The following PPP1R16B variants were observed in gnomAD, a reference collection of about 807,000 sequenced individuals.
The protein encoded by PPP1R16B is protein phosphatase 1 regulatory subunit 16B.
Under a neutral mutation model 61.7 loss-of-function variants are expected in PPP1R16B, and 14 were observed. That is an observed-to-expected ratio of 0.23 (90% CI 0.15 to 0.35). The LOEUF (loss-of-function observed/expected upper bound fraction) is 0.35. Among genes scored for constraint, PPP1R16B ranks in the 10% least tolerant of loss-of-function variants. The pLI is 1.00. For synonymous variants in PPP1R16B, 266 were observed against 305.3 expected (o/e 0.87, Z 1.34); for missense variants, 547 against 752.5 (o/e 0.73, Z 3.19).
intron 2 of PPP1R16B, among the ~76,000 whole-genome samples, chr20:38,839,171 C>T (rs1283313357): frequency 4.6e-5 from 7 of 152,120 alleles, no homozygotes; most frequent in African/African-American, 1.2e-4. Context: ...CAAAGTGATC[C>T]GCCCACCTTG....
intron 1 of PPP1R16B, among the ~76,000 whole-genome samples, chr20:38,809,985 GA>G (rs11086731): frequency 0.029 from 2,305 of 80,128 alleles, 18 homozygotes; most frequent in Admixed American, 0.084. Flanking sequence ...ACCTTGTTTC[GA>G]AAAAAAAAAA....
At chr20:38,811,322 G>T (rs748424675) in intron 1 of PPP1R16B, among the ~76,000 whole-genome samples, 3 of 152,152 alleles carry the variant, frequency 2.0e-5, no homozygotes, top group Non-Finnish European at 2.9e-5. Context: ...TTGGGGCCAG[G>T]GTTCAAATGC....
intron 2 of PPP1R16B, among the ~76,000 whole-genome samples, chr20:38,868,891 G>A (rs2085107504): frequency 6.6e-6 from 1 of 152,062 alleles, no homozygotes; most frequent in Non-Finnish European, 1.5e-5. Flanking sequence ...ATATGGATTA[G>A]GTAAAATATA....
chr20:38,898,368 A>C (rs1160397922), intron 4 of PPP1R16B, among the ~76,000 whole-genome samples: 1 of 152,068 alleles, frequency 6.6e-6, no homozygotes, highest in Non-Finnish European at 1.5e-5. Context: ...TGCCAGCCCC[A>C]CACTGTTTGA....
intron 2 of PPP1R16B, among the ~76,000 whole-genome samples, chr20:38,856,302 G>A (rs1345175882): frequency 6.6e-6 from 1 of 152,116 alleles, no homozygotes; most frequent in African/African-American, 2.4e-5. Flanking sequence ...ACAGAAGACA[G>A]CCCCAGACCT....
intron 2 of PPP1R16B, among the ~76,000 whole-genome samples, chr20:38,881,247 T>A (rs920363965): frequency 1.3e-5 from 2 of 152,214 alleles, no homozygotes; most frequent in Non-Finnish European, 2.9e-5. Context: ...TGGGAGCAGC[T>A]ATTTCTGGCT....
chr20:38,902,736 T>C lies in PPP1R16B; in HGVS notation c.640T>C (p.Cys214Arg). ...GCAGCAGATGATTGCGGACATCCAC[T>C]GCATGATCGCAGCGGGCCAGGACCT... ...PEQQMIADIH[C>R]MIAAGQDLDW... The change falls in exon 6 of 11, where the codon TGC becomes CGC. Residue 214 changes from cysteine to arginine, a missense_variant. Physicochemically the swap from Cys to Arg is radical, Grantham distance 180. Transcript: ENST00000299824. 1 of 1,614,216 alleles carries C rather than the reference T, an allele frequency of 6.2e-7. No individual in the cohort carries two copies. Among genetic ancestry groups the C allele is most frequent in the Non-Finnish European group, 8.5e-7 (1 of 1,180,040 alleles).
rs959786515 is a variant in PPP1R16B, at chr20:38,827,139, C to T, written c.-101-8686C>T. ...TAATTTTAATTTATTTTTGTAGAGA[C>T]GGGGTCTTGCTATGTTGCCCAGGCT... On this transcript the variant is annotated intron_variant, in intron 1 of 10. Coordinates refer to ENST00000299824, the MANE Select transcript of PPP1R16B (RefSeq NM_015568.4). Among the ~76,000 whole-genome samples, 11 of 152,030 alleles carry T rather than the reference C, an allele frequency of 7.2e-5. No homozygotes were observed. The East Asian group carries it at 9.7e-4, about 13-fold the overall frequency.
At chr20:38,873,304 C>T (rs761437430) in intron 2 of PPP1R16B, among the ~76,000 whole-genome samples, 3 of 152,098 alleles carry the variant, frequency 2.0e-5, no homozygotes, top group Non-Finnish European at 4.4e-5. Context: ...GGTTCTGAGA[C>T]GTCTGGGAGG....
At chr20:38,829,244 C>T (rs2084821935) in intron 1 of PPP1R16B, among the ~76,000 whole-genome samples, 1 of 152,196 alleles carries the variant, frequency 6.6e-6, no homozygotes, top group South Asian at 2.1e-4. Context: ...TTCCTGCTGG[C>T]CACAGTCAAA....
chr20:38,919,534 C>T lies in PPP1R16B; in HGVS notation c.*868C>T, dbSNP rs2085574171. 6.6e-6 allele frequency: 1 copy of T among 152,142 alleles called. No homozygotes were observed. The highest frequency in any genetic ancestry group is 1.5e-5 in the Non-Finnish European group (1 of 68,032). The allele number at this position is 152,142 out of a possible 1,614,324, so 9.4% of individuals were successfully genotyped here. ...AAAGTGTATCTGATTTTAAAAATTC[C>T]TTTAGTCTGTAAAACTCCTAGAGGG... On this transcript the variant is annotated 3_prime_UTR_variant, in exon 11 of 11. Coordinates refer to ENST00000299824, the MANE Select transcript of PPP1R16B (RefSeq NM_015568.4).
At chr20:38,820,076 C>T (rs770122744) in intron 1 of PPP1R16B, among the ~76,000 whole-genome samples, 26 of 152,092 alleles carry the variant, frequency 1.7e-4, no homozygotes, top group African/African-American at 5.8e-4. Context: ...ACACTGTTTG[C>T]GAGAGTCATC....
chr20:38,899,320 CAGTGATGGTGCTA>C, intron 4 of PPP1R16B, among the ~76,000 whole-genome samples: 1 of 152,318 alleles, frequency 6.6e-6, no homozygotes, highest in South Asian at 2.1e-4. Flanking sequence ...ACAGCCTGAT[CAGTGATGGTGCTA>C]AGAGGACAAG....
rs7266267 is a variant in PPP1R16B, at chr20:38,921,072, C to G, written c.*2406C>G. 0.05 allele frequency: 7,692 copies of G among 152,358 alleles called. 267 individuals carry two copies. The highest frequency in any genetic ancestry group is 0.16 in the South Asian group (792 of 4,826). 9.4% of individuals were successfully genotyped at this position (152,358 alleles called of 1,614,324 possible). Reference sequence around the variant, plus strand: ...AGGCCATTCCCTCCTTTTCCGCATGCCTCCTGCCTCCTGGGCTATTCCTCT... The same window carrying G: ...AGGCCATTCCCTCCTTTTCCGCATGGCTCCTGCCTCCTGGGCTATTCCTCT... On this transcript the variant is annotated 3_prime_UTR_variant, in exon 11 of 11. Transcript: ENST00000299824.
At chr20:38,895,147 C>T in intron 3 of PPP1R16B, among the ~76,000 whole-genome samples, 1 of 152,194 alleles carries the variant, frequency 6.6e-6, no homozygotes, top group East Asian at 1.9e-4. Flanking sequence ...CTGCCTCAAC[C>T]CAACCAATCC....
At chr20:38,816,282 G>T (rs2084734893) in intron 1 of PPP1R16B, among the ~76,000 whole-genome samples, 1 of 152,168 alleles carries the variant, frequency 6.6e-6, no homozygotes, top group African/African-American at 2.4e-5. Flanking sequence ...AACCCGGGCA[G>T]ATCTGTACGT....
chr20:38,816,447 A>C (rs1214514168), intron 1 of PPP1R16B, among the ~76,000 whole-genome samples: 1 of 152,202 alleles, frequency 6.6e-6, no homozygotes, highest in Non-Finnish European at 1.5e-5. Flanking sequence ...GGTAGAGTGG[A>C]TCCATAGAAT....
chr20:38,829,563 C>T (rs910713215), intron 1 of PPP1R16B, among the ~76,000 whole-genome samples: 2 of 152,196 alleles, frequency 1.3e-5, no homozygotes, highest in Non-Finnish European at 2.9e-5. Flanking sequence ...TTGATGATAA[C>T]CATTGCTCTC....
At chr20:38,837,122 G>T (rs975568259) in intron 2 of PPP1R16B, among the ~76,000 whole-genome samples, 4 of 152,176 alleles carry the variant, frequency 2.6e-5, no homozygotes, top group Non-Finnish European at 5.9e-5. Context: ...AGTCATAAAT[G>T]GTGTAGAGGG....
Sources: allele counts gnomAD v4.1 joint callset (sites outside exome capture counted in the v4.1 genomes callset), GRCh38; gene constraint gnomAD v4.1.1; transcripts MANE v1.5; gene names NCBI Gene and HGNC (gene_info 2026-07-23, HGNC 2026-07-21).